Variants in SEC24A observed in about 807,000 individuals in gnomAD.
The protein encoded by SEC24A is protein transport protein Sec24A.
Under a neutral mutation model 129.4 loss-of-function variants are expected in SEC24A, and 93 were observed. The ratio of observed to expected loss-of-function variants is 0.72; its 90% confidence interval spans 0.61 to 0.85. SEC24A has a LOEUF of 0.85. Among genes scored for constraint, SEC24A ranks in the 40% least tolerant of loss-of-function variants. The probability of loss-of-function intolerance (pLI) is 0.00; values close to 1 mark genes in which losing one functional copy is unlikely to be tolerated. For missense variants in SEC24A, 1,264 were observed against 1,307.4 expected, an observed-to-expected ratio of 0.97 and a Z score of 0.51; for synonymous variants, 460 against 467.3, an observed-to-expected ratio of 0.98 and a Z score of 0.20.
rs1752241464 is a variant in SEC24A, at chr5:134,708,875, C to G, written c.2714C>G (p.Ala905Gly). 4 of 1,613,534 alleles carry G rather than the reference C, an allele frequency of 2.5e-6. No homozygotes were observed. Among genetic ancestry groups the G allele is most frequent in the Non-Finnish European group, 2.5e-6 (3 of 1,179,840 alleles). Residue 905 changes from alanine to glycine, a missense_variant, in exon 18 of 23, where the codon GCT (alanine) becomes GGT (glycine). Ala to Gly is a moderately conservative substitution (Grantham distance 60). Transcript: ENST00000398844. Reference sequence around the variant, plus strand: ...CGGCTTTTCCCACTTTTTGTGTTGGCTCTCCTTAAACAGGTAAGAAAAACA... The same window carrying G: ...CGGCTTTTCCCACTTTTTGTGTTGGGTCTCCTTAAACAGGTAAGAAAAACA... ...SLRLFPLFVL[A>G]LLKQKSFQTG...
At position 134,661,513 on chromosome 5, in the gene SEC24A, T is replaced by C. The variant is rs775659856; in HGVS notation, c.492T>C (p.Asn164=). The C allele has an allele frequency of 5.0e-6, 8 of 1,614,190 alleles. No individual in the cohort carries two copies. In the Admixed American group the frequency reaches 1.3e-4, roughly 27 times the overall value. The change falls in exon 2 of 23, where the codon AAT becomes AAC. Residue 164 remains asparagine (N), a synonymous_variant. Coordinates refer to ENST00000398844, the MANE Select transcript of SEC24A (RefSeq NM_021982.3). The part of the protein sequence containing the change: ...RASSQPTVSG[N]TSLTTNHQYV... ...CATCCCAACCAACTGTATCTGGAAA[T>C]ACAAGTTTAACCACAAATCATCAAT...
intron 2 of SEC24A, among the ~76,000 whole-genome samples, chr5:134,663,300 G>A (rs546868063): frequency 1.1e-4 from 17 of 152,134 alleles, no homozygotes; most frequent in African/African-American, 3.9e-4. Flanking sequence ...AGGGTAACAC[G>A]ATCATAGCTC....
At chr5:134,719,940 G>A (rs186235946) in intron 20 of SEC24A, among the ~76,000 whole-genome samples, 35 of 148,054 alleles carry the variant, frequency 2.4e-4, no homozygotes, top group Non-Finnish European at 4.2e-4. Context: ...AGCCAAGATC[G>A]TGCCATTGCA....
rs754060831 is a variant in SEC24A, at chr5:134,708,752, G to A, written c.2591G>A (p.Arg864Gln). 5.6e-6 allele frequency: 9 copies of A among 1,613,868 alleles called. No individual in the cohort carries two copies. Among genetic ancestry groups the A allele is most frequent in the African/African-American group, 4.0e-5 (3 of 74,866 alleles). The change falls in exon 18 of 23, where the codon CGG (arginine) becomes CAG (glutamine). Residue 864 changes from arginine (R) to glutamine (Q), a missense_variant. By Grantham distance (43) the Arg-to-Gln change is conservative. Transcript: ENST00000398844. Reference protein sequence around the residue: ...RSMTASLSDARDALVNAVIDS... With the variant: ...RSMTASLSDAQDALVNAVIDS... ...ATGACTGCCAGTCTGAGTGACGCTC[G>A]GGATGCTCTAGTGAATGCAGTCATT... is the stretch of plus-strand genomic sequence containing the variant.
At chr5:134,717,320 A>G (rs1448018076) in intron 19 of SEC24A, among the ~76,000 whole-genome samples, 1 of 151,746 alleles carries the variant, frequency 6.6e-6, no homozygotes, top group Non-Finnish European at 1.5e-5. Flanking sequence ...AGCCTGGCCA[A>G]CATGGTGAAA....
intron 16 of SEC24A, among the ~76,000 whole-genome samples, chr5:134,704,652 A>G (rs1386983511): frequency 1.3e-5 from 2 of 151,852 alleles, no homozygotes; most frequent in East Asian, 1.9e-4. Flanking sequence ...ATATTTTTTT[A>G]ATTAGCCAGG....
intron 20 of SEC24A, among the ~76,000 whole-genome samples, chr5:134,719,455 G>A (rs1752571695): frequency 6.6e-6 from 1 of 151,792 alleles, no homozygotes; most frequent in Non-Finnish European, 1.5e-5. Context: ...CTTTTGGGAG[G>A]CCGAGGATGG....
In SEC24A at chr5:134,673,814, TA is replaced by T. The variant is rs560080962; in HGVS notation, c.818-797del. Among the ~76,000 whole-genome samples the T allele has an allele frequency of 3.6e-4, 55 of 152,284 alleles. No homozygotes were observed. In the East Asian group the frequency reaches 0.01, roughly 29 times the overall value. ...AGTTTTTGTGTCTACTACTATAGTA[TA>T]AAATATTAACTAGTGTAAATCCATT... On this transcript the variant is annotated intron_variant, in intron 4 of 22. Transcript: ENST00000398844.
At chr5:134,716,665 A>T (rs1752484668) in intron 19 of SEC24A, among the ~76,000 whole-genome samples, 1 of 146,848 alleles carries the variant, frequency 6.8e-6, no homozygotes, top group Non-Finnish European at 1.5e-5. Flanking sequence ...GGTCGTGGTG[A>T]TGCACGCCTG....
At chr5:134,712,776 G>T (rs1752365542) in intron 18 of SEC24A, among the ~76,000 whole-genome samples, 1 of 151,426 alleles carries the variant, frequency 6.6e-6, no homozygotes, top group Admixed American at 6.6e-5. Context: ...GTGCCACCAT[G>T]CCTGGCTAAT....
intron 12 of SEC24A, chr5:134,693,293 C>T: frequency 2.1e-6 from 3 of 1,403,928 alleles, no homozygotes; most frequent in Non-Finnish European, 2.8e-6. Flanking sequence ...AGTTGTTTTT[C>T]TTTTGTAGTG....
At chr5:134,654,512 G>A (rs556650147) in intron 1 of SEC24A, among the ~76,000 whole-genome samples, 4 of 152,094 alleles carry the variant, frequency 2.6e-5, no homozygotes, top group African/African-American at 7.2e-5. Context: ...GAGCCACTGC[G>A]CCCAGCTGAG....
intron 1 of SEC24A, chr5:134,649,395 A>C: frequency 2.3e-6 from 1 of 427,066 alleles, no homozygotes; most frequent in Non-Finnish European, 4.2e-6. Context: ...CAAAACAGTA[A>C]ATGAGCACCT....
Position 134,715,091 on chromosome 5 carries a change from A to T in SEC24A, c.2795A>T (p.Asn932Ile), listed in dbSNP as rs1340319037. Residue 932 changes from asparagine to isoleucine, a missense_variant, in exon 19 of 23, where the codon AAC (asparagine) becomes ATC (isoleucine). Asn to Ile is a moderately radical substitution (Grantham distance 149). Transcript: ENST00000398844. ...ERIFAMCQVK[N>I]QPLVYLMLTT... ...ATTTTTGCTATGTGTCAAGTGAAAA[A>T]CCAGCCCTTGGTTTACCTTATGCTC... 6.2e-7 allele frequency: 1 copy of T among 1,612,182 alleles called. No individual in the cohort carries two copies. The highest frequency in any genetic ancestry group is 8.5e-7 in the Non-Finnish European group (1 of 1,179,560).
chr5:134,661,317 C>G lies in SEC24A; in HGVS notation c.296C>G (p.Ser99Trp). 6.2e-7 allele frequency: 1 copy of G among 1,614,156 alleles called. No individual in the cohort carries two copies. The highest frequency in any genetic ancestry group is 1.3e-5 in the African/African-American group (1 of 75,036). ...GTGGCCTCTAATCCAGTGACACCTTCGCTTCATAGTGGTCCTGCTCCCCGA... is the reference window on the plus strand; with the variant it reads ...GTGGCCTCTAATCCAGTGACACCTTGGCTTCATAGTGGTCCTGCTCCCCGA... The part of the protein sequence containing the change: ...PPVASNPVTP[S>W]LHSGPAPRMP... The change falls in exon 2 of 23, where the codon TCG becomes TGG. Residue 99 changes from serine to tryptophan, a missense_variant. Coordinates refer to ENST00000398844, the MANE Select transcript of SEC24A (RefSeq NM_021982.3).
At position 134,697,978 on chromosome 5, in the gene SEC24A, G is replaced by A. The variant is rs771667188; in HGVS notation, c.2187G>A (p.Gln729=). ...YHHQHNPVQV[Q]KLQKELQRYL... The stretch of plus-strand genomic sequence containing the variant: ...ATCAGCACAACCCAGTCCAAGTACA[G>A]AAATTACAGAAGGAACTACAGAGAT... The change falls in exon 15 of 23, where the codon CAG becomes CAA. Residue 729 remains glutamine, a synonymous_variant. Coordinates refer to ENST00000398844, the MANE Select transcript of SEC24A (RefSeq NM_021982.3). 15 of 1,613,874 alleles carry A rather than the reference G, an allele frequency of 9.3e-6. No individual in the cohort carries two copies. In the East Asian group the frequency reaches 3.3e-4, roughly 36 times the overall value.
intron 11 of SEC24A, among the ~76,000 whole-genome samples, chr5:134,690,502 G>A (rs1293254140): frequency 6.6e-6 from 1 of 152,116 alleles, no homozygotes; most frequent in Non-Finnish European, 1.5e-5. Context: ...TCTTGTAGAG[G>A]CAAGGTCTTG....
At chr5:134,681,259 G>A (rs1230424935) in intron 8 of SEC24A, among the ~76,000 whole-genome samples, 1 of 151,312 alleles carries the variant, frequency 6.6e-6, no homozygotes, top group Non-Finnish European at 1.5e-5. Flanking sequence ...AATTAGCTGG[G>A]TGTGGTGGCG....
rs376460541 is a variant in SEC24A at position 134,702,984 on chromosome 5, C to T, written c.2267-775C>T. Among the ~76,000 whole-genome samples, 5 of 152,058 alleles carry T rather than the reference C, an allele frequency of 3.3e-5. No individual in the cohort carries two copies. The South Asian group carries it at 6.2e-4, about 19-fold the overall frequency. On this transcript the variant is annotated intron_variant, in intron 15 of 22. Coordinates refer to ENST00000398844, the MANE Select transcript of SEC24A (RefSeq NM_021982.3). ...TTCACCATGTTGCCAAGGCTGGTCT[C>T]GAACTCCTGACCTCAAGTGATCTGC...
Sources: gnomAD v4.1 joint callset for allele counts (sites outside exome capture counted in the v4.1 genomes callset) on GRCh38, gnomAD v4.1.1 for gene constraint, MANE v1.5 for transcripts, NCBI Gene and HGNC (gene_info 2026-07-23, HGNC 2026-07-21) for gene names.